The following CD86 variants were observed in gnomAD, a reference collection of about 807,000 sequenced individuals.
The protein encoded by CD86 is T-lymphocyte activation antigen CD86.
Under a neutral mutation model 32.1 loss-of-function variants are expected in CD86, and 11 were observed. The observed-to-expected ratio is 0.34, with a 90% CI of 0.22 to 0.57. The LOEUF (loss-of-function observed/expected upper bound fraction) is 0.57, where lower values mean the gene tolerates loss of function less well. CD86 is among the 20% of genes least tolerant of loss of function. The pLI is 0.86. For missense variants in CD86, 359 were observed against 398.4 expected, an observed-to-expected ratio of 0.90 and a Z score of 0.84; for synonymous variants, 137 against 135.3, an observed-to-expected ratio of 1.01 and a Z score of -0.09.
chr3:122,062,899 G>A (rs1273585266), intron 1 of CD86, among the ~76,000 whole-genome samples: 2 of 152,024 alleles, frequency 1.3e-5, no homozygotes, highest in African/African-American at 4.8e-5. Context: ...GAGTTCTTTA[G>A]CTCTGCCTTT....
intron 2 of CD86, among the ~76,000 whole-genome samples, chr3:122,094,018 C>T (rs904241452): frequency 2.0e-5 from 3 of 152,186 alleles, no homozygotes; most frequent in Non-Finnish European, 4.4e-5. Context: ...GATAATATAG[C>T]TTCTGCCTCA....
chr3:122,058,805 AG>A (rs1205680193), intron 1 of CD86, among the ~76,000 whole-genome samples: 3 of 152,280 alleles, frequency 2.0e-5, no homozygotes, highest in African/African-American at 4.8e-5. Flanking sequence ...TGGAGTGACA[AG>A]GAGATCATTT....
Position 122,106,293 on chromosome 3 carries a change from C to A in CD86, c.496C>A (p.Pro166Thr). The A allele has an allele frequency of 6.2e-7, 1 of 1,613,868 alleles. No homozygotes were observed. Among genetic ancestry groups the A allele is most frequent in the Non-Finnish European group, 8.5e-7 (1 of 1,179,776 alleles). ...TCSSIHGYPEPKKMSVLLRTK... is the reference protein window; with the variant it reads ...TCSSIHGYPETKKMSVLLRTK... Reference sequence around the variant, plus strand: ...CTCATCTATACACGGTTACCCAGAACCTAAGAAGATGAGTGTTTTGCTAAG... The same window carrying A: ...CTCATCTATACACGGTTACCCAGAAACTAAGAAGATGAGTGTTTTGCTAAG... Residue 166 changes from proline (P) to threonine (T), a missense_variant, in exon 4 of 7, where the codon CCT (proline) becomes ACT (threonine). By Grantham distance (38) the Pro-to-Thr change is conservative. Coordinates refer to ENST00000330540, the MANE Select transcript of CD86 (RefSeq NM_175862.5).
chr3:122,055,534 A>G (rs2072220878), intron 1 of CD86, 31 bp downstream of exon 1: 2 of 1,611,328 alleles, frequency 1.2e-6, no homozygotes, highest in African/African-American at 2.7e-5. Flanking sequence ...TTTGCAGAGA[A>G]GTTATGAGTT....
Position 122,063,201 on chromosome 3 carries a change from A to AT in CD86, c.14+7705dup, listed in dbSNP as rs1487774362. 3.3e-5 allele frequency among the ~76,000 whole-genome samples: 5 copies of AT among 152,252 alleles called. No individual in the cohort carries two copies. The East Asian group carries it at 5.8e-4, about 18-fold the overall frequency. ...TTAAGTTTGCTTTTCATTTACAAAG[A>AT]TTTTTTTGCTCATTAGTAATCATGA... is the stretch of plus-strand genomic sequence containing the variant. On this transcript the variant is annotated intron_variant, in intron 1 of 6. Transcript: ENST00000330540.
At chr3:122,117,285 G>T (rs1327535515) in intron 5 of CD86, among the ~76,000 whole-genome samples, 2 of 152,154 alleles carry the variant, frequency 1.3e-5, no homozygotes, top group African/African-American at 4.8e-5. Flanking sequence ...CATAAAAGCT[G>T]ATTGTTTTTA....
intron 2 of CD86, among the ~76,000 whole-genome samples, chr3:122,101,001 T>G (rs1041222949): frequency 6.6e-6 from 1 of 152,130 alleles, no homozygotes; most frequent in African/African-American, 2.4e-5. Context: ...GCATCCCCCA[T>G]GCCTGGCTCT....
chr3:122,078,704 G>A (rs1249527809), intron 1 of CD86, among the ~76,000 whole-genome samples: 1 of 152,214 alleles, frequency 6.6e-6, no homozygotes, highest in Non-Finnish European at 1.5e-5. Flanking sequence ...ATTTGCATTT[G>A]CATTTGCAAA....
chr3:122,076,466 T>C (rs1392675094), intron 1 of CD86, among the ~76,000 whole-genome samples: 3 of 152,218 alleles, frequency 2.0e-5, no homozygotes, highest in Non-Finnish European at 4.4e-5. Context: ...AAATCTGTGA[T>C]TGTAAAATCC....
rs1004810662 is a variant in CD86 at position 122,098,319 on chromosome 3, G to A, written c.65-5193G>A. Among the ~76,000 whole-genome samples the A allele has an allele frequency of 2.6e-5, 4 of 152,176 alleles. No individual in the cohort carries two copies. In the South Asian group the frequency reaches 8.3e-4, roughly 32 times the overall value. ...AATGAAAGACCTACATGAAGTGAAG[G>A]AGAAGCTATGAGACTGTCTGGAGGA... On this transcript the variant is annotated intron_variant, in intron 2 of 6. Coordinates refer to ENST00000330540, the MANE Select transcript of CD86 (RefSeq NM_175862.5).
intron 2 of CD86, among the ~76,000 whole-genome samples, chr3:122,097,006 A>G (rs1283317428): frequency 6.6e-6 from 1 of 152,220 alleles, no homozygotes; most frequent in Non-Finnish European, 1.5e-5. Flanking sequence ...ATTTTCTTAC[A>G]TATTACCAAC....
chr3:122,093,049 C>G (rs773614820), intron 2 of CD86, among the ~76,000 whole-genome samples: 12 of 152,208 alleles, frequency 7.9e-5, no homozygotes, highest in Non-Finnish European at 1.3e-4. Context: ...GCTACCTTAG[C>G]TCCTGGGGAT....
intron 1 of CD86, among the ~76,000 whole-genome samples, chr3:122,059,465 G>A (rs774708630): frequency 6.6e-6 from 1 of 151,848 alleles, no homozygotes; most frequent in Non-Finnish European, 1.5e-5. Flanking sequence ...GAACCCAGGA[G>A]GCAGAGGTTG....
At position 122,116,672 on chromosome 3, in the gene CD86, G is replaced by A. The variant is rs534285292; in HGVS notation, c.848-1376G>A. Among the ~76,000 whole-genome samples the A allele has an allele frequency of 1.4e-4, 21 of 152,162 alleles. No homozygotes were observed. The South Asian group carries it at 2.1e-3, about 15-fold the overall frequency. ...GCATTCTAAATTTTCATCAGTTGGC[G>A]GTGGTATATTTATACAATGAAATAC... On this transcript the variant is annotated intron_variant, in intron 5 of 6. Transcript: ENST00000330540.
chr3:122,058,190 T>TA (rs2072267724), intron 1 of CD86, among the ~76,000 whole-genome samples: 1 of 152,184 alleles, frequency 6.6e-6, no homozygotes, highest in Admixed American at 6.5e-5. Context: ...TACAACCACT[T>TA]AATGGCATTA....
At position 122,109,292 on chromosome 3, in the gene CD86, A is replaced by T. The variant is rs1326058777; in HGVS notation, c.731A>T (p.Asp244Val). ...CTTGAGGACCCTCAGCCTCCCCCAG[A>T]CCACATTCCTTGGATTACAGCTGTA... ...IELEDPQPPP[D>V]HIPWITAVLP... The change falls in exon 5 of 7, where the codon GAC (aspartate) becomes GTC (valine). Residue 244 changes from aspartate to valine, a missense_variant. Coordinates refer to ENST00000330540, the MANE Select transcript of CD86 (RefSeq NM_175862.5). 1 of 1,614,040 alleles carries T rather than the reference A, an allele frequency of 6.2e-7. No homozygotes were observed. Among genetic ancestry groups the T allele is most frequent in the South Asian group, 1.1e-5 (1 of 91,036 alleles).
intron 6 of CD86, 43 bp from the exon 7 acceptor site, chr3:122,119,395 T>C (rs756359860): frequency 1.7e-6 from 2 of 1,185,858 alleles, no homozygotes; most frequent in Non-Finnish European, 2.5e-6. Context: ...AGAAAGTAGC[T>C]CAAATGTGAA....
rs2072217588 is a variant in CD86 at position 122,055,370 on chromosome 3, C to A, written c.-120C>A. On this transcript the variant is annotated 5_prime_UTR_variant, in exon 1 of 7. Transcript: ENST00000330540. ...TAGCTGGGTAGGTATACAGTCATTG[C>A]CGAGGAAGGCTTGCACAGGGTGAAA... 1.0e-6 allele frequency: 1 copy of A among 955,582 alleles called. No homozygotes were observed. The allele number at this position is 955,582 out of a possible 1,614,324, so 59.2% of individuals were successfully genotyped here.
intron 1 of CD86, among the ~76,000 whole-genome samples, chr3:122,082,577 A>G (rs1191331271): frequency 6.6e-6 from 1 of 152,236 alleles, no homozygotes; most frequent in African/African-American, 2.4e-5. Context: ...ATCCTACACT[A>G]GGATTGGATG....
Sources: gnomAD v4.1 joint callset for allele counts (sites outside exome capture counted in the v4.1 genomes callset) on GRCh38, gnomAD v4.1.1 for gene constraint, MANE v1.5 for transcripts, NCBI Gene and HGNC (gene_info 2026-07-23, HGNC 2026-07-21) for gene names.